The following NAALADL1 variants were observed in gnomAD, a reference collection of about 807,000 sequenced individuals.
NAALADL1 encodes the protein aminopeptidase NAALADL1.
NAALADL1 carries 77 observed loss-of-function variants against 82.8 expected under a neutral mutation model. That is an observed-to-expected ratio of 0.93 (90% CI 0.77 to 1.12). The LOEUF is 1.12. Among genes scored for constraint, NAALADL1 ranks in the 50% most tolerant of loss-of-function variants. The pLI is 0.00. For missense variants in NAALADL1, 956 were observed against 964.0 expected (o/e 0.99, Z 0.11); for synonymous variants, 358 against 399.2 (o/e 0.90, Z 1.23).
Position 65,045,458 on chromosome 11 carries a change from C to A in NAALADL1, c.2037-1G>T, listed in dbSNP as rs750194734. ...CGTGCGAGGTGCCCAGAGCACATGG[C>A]TGACAAGAGAAATGGGACAGGATCA... On this transcript the variant is annotated splice_acceptor_variant, in intron 17 of 17. Transcript: ENST00000358658. LOFTEE classifies it high-confidence loss of function. The A allele has an allele frequency of 1.9e-6, 3 of 1,598,030 alleles. No homozygotes were observed. The highest frequency in any genetic ancestry group is 2.6e-6 in the Non-Finnish European group (3 of 1,170,074).
At position 65,045,329 on chromosome 11, in the gene NAALADL1, A is replaced by T; in HGVS notation, c.2165T>A (p.Ile722Asn). The T allele has an allele frequency of 6.2e-7, 1 of 1,611,082 alleles. No homozygotes were observed. Among genetic ancestry groups the T allele is most frequent in the Non-Finnish European group, 8.5e-7 (1 of 1,178,828 alleles). The change falls in exon 18 of 18, where the codon ATT becomes AAT. Residue 722 changes from isoleucine to asparagine, a missense_variant. Transcript: ENST00000358658. ...CGCACCCTCCAGGGCTGTCACCACAATGCTGAGCTGTCTCTGGACCTCAGC... is the reference window on the plus strand; with the variant it reads ...CGCACCCTCCAGGGCTGTCACCACATTGCTGAGCTGTCTCTGGACCTCAGC... ...AWAEVQRQLS[I>N]VVTALEGAAA...
Position 65,047,571 on chromosome 11 carries a change from G to A in NAALADL1, c.1509-6C>T. The A allele has an allele frequency of 6.4e-7, 1 of 1,572,552 alleles. No individual in the cohort carries two copies. On this transcript the variant is annotated splice_region_variant and splice_polypyrimidine_tract_variant and intron_variant, in intron 12 of 17. Transcript: ENST00000358658. ...CAGCACCCAGAGAACCCAAGCTGCG[G>A]GAAGGAAGGGGGCCGGGATAAAGAG... is the stretch of plus-strand genomic sequence containing the variant.
chr11:65,052,738 C>T (rs1449662221), intron 8 of NAALADL1, among the ~76,000 whole-genome samples: 6 of 152,224 alleles, frequency 3.9e-5, no homozygotes, highest in Non-Finnish European at 8.8e-5. Flanking sequence ...GCTCTGCCAC[C>T]TCGCCCAGCC....
intron 8 of NAALADL1, among the ~76,000 whole-genome samples, chr11:65,049,102 C>T (rs1031081770): frequency 1.3e-5 from 2 of 152,112 alleles, no homozygotes; most frequent in African/African-American, 4.8e-5. Context: ...CTCCCCACAC[C>T]CTCAACTTCC....
intron 17 of NAALADL1, 59 bp downstream of exon 17, chr11:65,045,763 G>T: frequency 1.3e-6 from 2 of 1,505,898 alleles, no homozygotes; most frequent in South Asian, 2.3e-5. Context: ...CGTCTCAGGT[G>T]GGGAGCCATT....
chr11:65,057,762 C>G, intron 3 of NAALADL1, 113 bp downstream of exon 3: 1 of 1,498,984 alleles, frequency 6.7e-7, no homozygotes, highest in Non-Finnish European at 9.1e-7. Flanking sequence ...TGAGTAAATT[C>G]CGGAGGGCGC....
At chr11:65,057,634 C>T in intron 3 of NAALADL1, 141 bp from the exon 4 acceptor site, 1 of 1,303,850 alleles carries the variant, frequency 7.7e-7, no homozygotes, top group Non-Finnish European at 1.0e-6. Context: ...TCCCCAAGAA[C>T]AGTCACCCCT....
chr11:65,045,695 A>G (rs1946703981), intron 17 of NAALADL1, 127 bp downstream of exon 17: 3 of 1,016,828 alleles, frequency 3.0e-6, no homozygotes, highest in Non-Finnish European at 4.3e-6. Flanking sequence ...TGAGCCTTAC[A>G]TTCCCATCTT....
Position 65,045,432 on chromosome 11 carries a change from C to A in NAALADL1, c.2062G>T (p.Gly688Cys), listed in dbSNP as rs771544732. Residue 688 changes from glycine to cysteine, a missense_variant, in exon 18 of 18, where the codon GGC (glycine) becomes TGC (cysteine). Transcript: ENST00000358658. ...YSHVLWAPRT[G>C]SVVTFPGLSN... ...AGGCCCGGGAATGTGACTACGGAGC[C>A]CGTGCGAGGTGCCCAGAGCACATGG... 6 of 1,611,166 alleles carry A rather than the reference C, an allele frequency of 3.7e-6. No individual in the cohort carries two copies. The highest frequency in any genetic ancestry group is 5.1e-6 in the Non-Finnish European group (6 of 1,178,576).
At chr11:65,059,716 G>A (rs1231929967), upstream of NAALADL1, among the ~76,000 whole-genome samples, 1 of 152,208 alleles carries the variant, frequency 6.6e-6, no homozygotes, top group East Asian at 1.9e-4. Flanking sequence ...CTATACTAGA[G>A]CCATGCAAGG....
intron 3 of NAALADL1, 31 bp downstream of exon 3, chr11:65,057,830 ACCAAGGGAGCTGGG>A: frequency 6.2e-7 from 1 of 1,608,974 alleles, no homozygotes; most frequent in Non-Finnish European, 8.5e-7. Flanking sequence ...CCTGGGTGGA[ACCAAGGGAGCTGGG>A]CCAGAGCAGT....
In NAALADL1 at chr11:65,057,840, C is replaced by A. The variant is rs369719889; in HGVS notation, c.480+35G>T. 20 of 1,610,632 alleles carry A rather than the reference C, an allele frequency of 1.2e-5. No individual in the cohort carries two copies. The African/African-American group carries it at 2.7e-4, about 21-fold the overall frequency. ...AGAACCCTGGGTGGAACCAAGGGAGCTGGGCCAGAGCAGTAGGGGGGGTTC... is the reference window on the plus strand; with the variant it reads ...AGAACCCTGGGTGGAACCAAGGGAGATGGGCCAGAGCAGTAGGGGGGGTTC... On this transcript the variant is annotated intron_variant, in intron 3 of 17. Transcript: ENST00000358658.
Position 65,058,344 on chromosome 11 carries a change from T to C in NAALADL1, c.178A>G (p.Asn60Asp). Residue 60 changes from asparagine to aspartate, a missense_variant, in exon 1 of 18, where the codon AAC becomes GAC. Asn to Asp is a conservative substitution (Grantham distance 23). Transcript: ENST00000358658. ...GATGGCCCCACTTCTCACCTGAGGTTCTCCCGGATCCTGTGGGCATCCAGC... is the reference window on the plus strand; with the variant it reads ...GATGGCCCCACTTCTCACCTGAGGTCCTCCCGGATCCTGTGGGCATCCAGC... ...GQLDAHRIRE[N>D]LRELSREPHL... is the part of the protein sequence containing the mutation. 1.2e-6 allele frequency: 2 copies of C among 1,614,058 alleles called. No individual in the cohort carries two copies. The highest frequency in any genetic ancestry group is 1.7e-6 in the Non-Finnish European group (2 of 1,179,974).
chr11:65,046,085 C>CA lies in NAALADL1; in HGVS notation c.1884dup (p.Glu629Ter). ...TGGCCCAAGGCTGCAGCTTCTGCCT[C>CA]AAACTTCTCCACTGCAGTCACCAGA... is the stretch of plus-strand genomic sequence containing the variant. On this transcript the variant is annotated frameshift_variant, in exon 16 of 18. Coordinates refer to ENST00000358658, the MANE Select transcript of NAALADL1 (RefSeq NM_005468.3). LOFTEE classifies it high-confidence loss of function. The CA allele has an allele frequency of 6.2e-7, 1 of 1,614,126 alleles. No homozygotes were observed. The highest frequency in any genetic ancestry group is 8.5e-7 in the Non-Finnish European group (1 of 1,180,024).
At chr11:65,045,565 A>T in intron 17 of NAALADL1, 108 bp from the exon 18 acceptor site, 2 of 1,198,930 alleles carry the variant, frequency 1.7e-6, no homozygotes, top group Non-Finnish European at 2.3e-6. Flanking sequence ...GCAGAAAAGC[A>T]CCCCCGTCCA....
At position 65,053,406 on chromosome 11, in the gene NAALADL1, G is replaced by A. The variant is rs763852402; in HGVS notation, c.1079-69C>T. ...GTGGGCAGGGGGAGCTGGGCTGGGT[G>A]GTGGCAAGGGCAGGGCTGGATGAGG... On this transcript the variant is annotated intron_variant, in intron 7 of 17. Transcript: ENST00000358658. This position sits in a 1 kb window ranked among gnomAD's most constrained non-coding sequence, Gnocchi z 4.3. The A allele has an allele frequency of 1.9e-6, 3 of 1,612,678 alleles. No individual in the cohort carries two copies. Among genetic ancestry groups the A allele is most frequent in the Non-Finnish European group, 2.5e-6 (3 of 1,179,220 alleles).
Position 65,047,974 on chromosome 11 carries a change from C to A in NAALADL1, c.1416+7G>T. On this transcript the variant is annotated splice_region_variant and intron_variant, in intron 11 of 17. Transcript: ENST00000358658. ...AGTTCAGCCCCGCCCGGCCTGCCCC[C>A]TTCCACCTCTTTGGTTGCAGAGAAG... The A allele has an allele frequency of 6.2e-7, 1 of 1,606,706 alleles. No individual in the cohort carries two copies. Among genetic ancestry groups the A allele is most frequent in the Non-Finnish European group, 8.5e-7 (1 of 1,176,754 alleles).
rs757728506 is a variant in NAALADL1 at position 65,054,200 on chromosome 11, G to A, written c.992+50C>T. 1.5e-5 allele frequency: 22 copies of A among 1,480,396 alleles called. No individual in the cohort carries two copies. Among genetic ancestry groups the A allele is most frequent in the Non-Finnish European group, 2.0e-5 (21 of 1,067,814 alleles). The allele number at this position is 1,480,396 out of a possible 1,614,324, so 91.7% of individuals were successfully genotyped here. ...ATCATCACAAGGGAAGGGGAGAGGC[G>A]AGTTGGGGGAGAGGGCAACTGAGGG... On this transcript the variant is annotated intron_variant, in intron 6 of 17. Coordinates refer to ENST00000358658, the MANE Select transcript of NAALADL1 (RefSeq NM_005468.3). This position sits in a 1 kb window ranked among gnomAD's most constrained non-coding sequence, Gnocchi z 4.3.
intron 14 of NAALADL1, 35 bp downstream of exon 14, chr11:65,046,410 C>A (rs1246263596): frequency 6.2e-7 from 1 of 1,614,188 alleles, no homozygotes; most frequent in East Asian, 2.2e-5. Context: ...CCTCTCCTGT[C>A]CTGGTCTCAG....
Sources: gnomAD v4.1 joint callset for allele counts (sites outside exome capture counted in the v4.1 genomes callset) on GRCh38, gnomAD v4.1.1 for gene constraint, Gnocchi (gnomAD v3.1) non-coding constraint, MANE v1.5 for transcripts, NCBI Gene and HGNC (gene_info 2026-07-23, HGNC 2026-07-21) for gene names.